Variants in SOAT1 observed in about 807,000 individuals in gnomAD.
SOAT1 encodes sterol O-acyltransferase 1.
Under a neutral mutation model 69.5 loss-of-function variants are expected in SOAT1, and 55 were observed. That is an observed-to-expected ratio of 0.79 (90% CI 0.64 to 0.99). The LOEUF (loss-of-function observed/expected upper bound fraction) is 0.99. Among genes scored for constraint, SOAT1 ranks in the 50% least tolerant of loss-of-function variants. The pLI is 0.00. For missense variants in SOAT1, 580 were observed against 669.3 expected (o/e 0.87, Z 1.47); for synonymous variants, 231 against 224.7 (o/e 1.03, Z -0.25).
chr1:179,301,091 CAATA>C (rs957384583), intron 1 of SOAT1, among the ~76,000 whole-genome samples: 1 of 151,980 alleles, frequency 6.6e-6, no homozygotes, highest in East Asian at 1.9e-4. Flanking sequence ...TACTCCTTCT[CAATA>C]AATAAATAAA....
intron 2 of SOAT1, among the ~76,000 whole-genome samples, chr1:179,314,051 C>G (rs762592938): frequency 1.3e-5 from 2 of 152,170 alleles, no homozygotes; most frequent in African/African-American, 2.4e-5. Context: ...CAGAAAAATC[C>G]AACAAGTCTT....
chr1:179,316,430 CTT>C (rs1402612701), intron 2 of SOAT1, among the ~76,000 whole-genome samples: 1 of 151,956 alleles, frequency 6.6e-6, no homozygotes, highest in African/African-American at 2.4e-5. Flanking sequence ...GAGTTTCACT[CTT>C]GTTGCCCAGG....
At chr1:179,348,788 G>GTT in intron 12 of SOAT1, 56 bp from the exon 13 acceptor site, 1 of 415,490 alleles carries the variant, frequency 2.4e-6, no homozygotes, top group East Asian at 6.4e-5. Flanking sequence ...GTGTGTGTGT[G>GTT]TGTGTGTGTG....
intron 4 of SOAT1, among the ~76,000 whole-genome samples, chr1:179,335,929 C>T (rs1666134415): frequency 6.6e-6 from 1 of 152,122 alleles, no homozygotes; most frequent in Non-Finnish European, 1.5e-5. Context: ...AAAGCTGAGG[C>T]AGGTGGAACA....
Position 179,335,687 on chromosome 1 carries a change from A to T in SOAT1, c.329+30A>T, listed in dbSNP as rs764773222. The T allele has an allele frequency of 2.5e-6, 4 of 1,601,658 alleles. No homozygotes were observed. In the South Asian group the frequency reaches 4.5e-5, roughly 18 times the overall value. ...GTATGTGCTATTTTCTTTTAATGCA[A>T]ACATCTACTCAGTATAGTTCAATGG... On this transcript the variant is annotated intron_variant, in intron 4 of 15. Transcript: ENST00000367619.
chr1:179,342,729 G>A (rs1234793414), intron 8 of SOAT1, 133 bp from the exon 9 acceptor site: 13 of 627,494 alleles, frequency 2.1e-5, no homozygotes, highest in Non-Finnish European at 5.7e-6. Flanking sequence ...TCATTCCGGA[G>A]ATCAGGAAAA....
chr1:179,328,347 T>C (rs1665857200), intron 3 of SOAT1, among the ~76,000 whole-genome samples: 1 of 152,206 alleles, frequency 6.6e-6, no homozygotes, highest in African/African-American at 2.4e-5. Flanking sequence ...TATTAATATA[T>C]CTCACAGAAT....
At chr1:179,317,852 A>G (rs1665451355) in intron 2 of SOAT1, among the ~76,000 whole-genome samples, 1 of 152,136 alleles carries the variant, frequency 6.6e-6, no homozygotes, top group South Asian at 2.1e-4. Flanking sequence ...CTCATTATTC[A>G]CAAACTCATT....
At chr1:179,328,769 C>T (rs571755982) in intron 3 of SOAT1, among the ~76,000 whole-genome samples, 40 of 152,132 alleles carry the variant, frequency 2.6e-4, no homozygotes, top group African/African-American at 8.2e-4. Context: ...TTGGGCCAGG[C>T]GCATTGGCTC....
In SOAT1 at chr1:179,351,510, G is replaced by A. The variant is rs1161499237; in HGVS notation, c.1596+48G>A. On this transcript the variant is annotated intron_variant, in intron 15 of 15. Transcript: ENST00000367619. ...GTGCAAAAGAACCTGTTTATTCTCT[G>A]TTTGTGAGAGTTGGTGGGCAATGTT... is the stretch of plus-strand genomic sequence containing the variant. 6.9e-6 allele frequency: 11 copies of A among 1,583,236 alleles called. No homozygotes were observed. The Middle Eastern group carries it at 6.7e-4, about 97-fold the overall frequency.
At chr1:179,307,222 A>G (rs2250649) in intron 2 of SOAT1, among the ~76,000 whole-genome samples, 149,804 of 152,300 alleles carry the variant, frequency 0.98, 73,729 homozygotes, top group Middle Eastern at 1. Flanking sequence ...GTTGGGTAAG[A>G]CATTTCAAAC....
chr1:179,302,836 G>A, intron 2 of SOAT1, 34 bp downstream of exon 2: 1 of 1,136,922 alleles, frequency 8.8e-7, no homozygotes, highest in Non-Finnish European at 1.3e-6. Context: ...AGGTGAATTA[G>A]TGAAATAGAG....
At chr1:179,346,917 A>T (rs1666550835) in intron 11 of SOAT1, among the ~76,000 whole-genome samples, 1 of 152,040 alleles carries the variant, frequency 6.6e-6, no homozygotes, top group Non-Finnish European at 1.5e-5. Flanking sequence ...AAAAACAAAA[A>T]GTCTCTAGAA....
At chr1:179,306,314 G>A (rs1039175369) in intron 2 of SOAT1, among the ~76,000 whole-genome samples, 2 of 152,162 alleles carry the variant, frequency 1.3e-5, no homozygotes, top group East Asian at 1.9e-4. Context: ...GAGGACAAAA[G>A]TGGCTCTAAA....
At chr1:179,338,912 C>A (rs1666243617) in intron 5 of SOAT1, among the ~76,000 whole-genome samples, 1 of 151,940 alleles carries the variant, frequency 6.6e-6, no homozygotes, top group South Asian at 2.1e-4. Flanking sequence ...CAAGTTAAAA[C>A]AAGTTTAAAA....
At chr1:179,351,197 C>T in intron 14 of SOAT1, 120 bp from the exon 15 acceptor site, 1 of 789,484 alleles carries the variant, frequency 1.3e-6, no homozygotes, top group Non-Finnish European at 2.1e-6. Context: ...GCACACACCA[C>T]CACGCCTGGC....
At chr1:179,299,902 T>C (rs1030722478) in intron 1 of SOAT1, among the ~76,000 whole-genome samples, 3 of 149,788 alleles carry the variant, frequency 2.0e-5, no homozygotes, top group South Asian at 2.1e-4. Context: ...TACAGGCGCC[T>C]GCCCCCATGC....
intron 2 of SOAT1, among the ~76,000 whole-genome samples, chr1:179,322,425 C>T (rs976477629): frequency 2.0e-5 from 3 of 151,760 alleles, no homozygotes; most frequent in African/African-American, 7.3e-5. Flanking sequence ...CTCTGTCATC[C>T]AGGCTGGCGT....
intron 2 of SOAT1, among the ~76,000 whole-genome samples, chr1:179,321,734 T>G (rs1378791132): frequency 1.3e-5 from 2 of 152,238 alleles, no homozygotes; most frequent in Non-Finnish European, 2.9e-5. Context: ...CATTTACTAG[T>G]ACTCTCTTCA....
Sources: allele counts gnomAD v4.1 joint callset (sites outside exome capture counted in the v4.1 genomes callset), GRCh38; gene constraint gnomAD v4.1.1; transcripts MANE v1.5; gene names NCBI Gene and HGNC (gene_info 2026-07-23, HGNC 2026-07-21).